Variants in FTO observed in about 807,000 individuals in gnomAD.
FTO encodes the protein alpha-ketoglutarate-dependent dioxygenase FTO.
In FTO, 47 loss-of-function variants were observed where a neutral mutation model predicts 63.9. That is an observed-to-expected ratio of 0.74 (90% CI 0.58 to 0.94). The LOEUF (loss-of-function observed/expected upper bound fraction) is 0.94, where lower values mean the gene tolerates loss of function less well. Among genes scored for constraint, FTO ranks in the 40% least tolerant of loss-of-function variants. FTO has a pLI of 0.00. For synonymous variants in FTO, 207 were observed against 224.4 expected, an observed-to-expected ratio of 0.92 and a Z score of 0.69; for missense variants, 562 against 618.1, an observed-to-expected ratio of 0.91 and a Z score of 0.96.
intron 8 of FTO, among the ~76,000 whole-genome samples, chr16:54,022,024 G>A (rs1247253555): frequency 2.0e-5 from 3 of 152,054 alleles, no homozygotes; most frequent in African/African-American, 7.2e-5. Context: ...TTTTACAGCA[G>A]ATGTTTTCAA....
intron 8 of FTO, among the ~76,000 whole-genome samples, chr16:54,092,721 T>G (rs1023981820): frequency 6.6e-6 from 1 of 152,206 alleles, no homozygotes; most frequent in South Asian, 2.1e-4. Flanking sequence ...GACGCTTACA[T>G]GAGACCCACT....
intron 8 of FTO, among the ~76,000 whole-genome samples, chr16:54,048,530 T>G (rs1448074783): frequency 6.6e-6 from 1 of 152,222 alleles, no homozygotes; most frequent in African/African-American, 2.4e-5. Flanking sequence ...CTGTTCTTAT[T>G]AGGATCAGAA....
chr16:54,075,411 C>T (rs961840355), intron 8 of FTO, among the ~76,000 whole-genome samples: 4 of 152,166 alleles, frequency 2.6e-5, no homozygotes, highest in African/African-American at 4.8e-5. Context: ...CATTTTATTA[C>T]AGTTGTCAAG....
intron 2 of FTO, among the ~76,000 whole-genome samples, chr16:53,823,452 C>G (rs1460250521): frequency 6.6e-6 from 1 of 151,854 alleles, no homozygotes; most frequent in African/African-American, 2.4e-5. Context: ...GTTCCTCTGC[C>G]CTGCTTTCTC....
intron 1 of FTO, among the ~76,000 whole-genome samples, chr16:53,757,059 A>G (rs2076940650): frequency 6.6e-6 from 1 of 151,514 alleles, no homozygotes; most frequent in Non-Finnish European, 1.5e-5. Flanking sequence ...GTTTTCAACC[A>G]GTTTAAAAAA....
intron 3 of FTO, among the ~76,000 whole-genome samples, chr16:53,839,769 CTTTTTTTT>C (rs146746378): frequency 0.24 from 34,551 of 144,186 alleles, 4,416 homozygotes; most frequent in Middle Eastern, 0.32. Flanking sequence ...AATTGGTTTT[CTTTTTTTT>C]TATTTATTTA....
At chr16:53,818,275 G>T (rs2078756683) in intron 2 of FTO, among the ~76,000 whole-genome samples, 1 of 151,666 alleles carries the variant, frequency 6.6e-6, no homozygotes, top group African/African-American at 2.4e-5. Flanking sequence ...GGGCATTTAG[G>T]TTGAGATTTT....
intron 7 of FTO, among the ~76,000 whole-genome samples, chr16:53,917,266 A>G (rs1201172172): frequency 6.6e-6 from 1 of 152,230 alleles, no homozygotes; most frequent in Non-Finnish European, 1.5e-5. Flanking sequence ...CCTGCCTCAC[A>G]GAAAGTTCCT....
At chr16:53,864,986 T>C (rs2080267856) in intron 4 of FTO, among the ~76,000 whole-genome samples, 1 of 152,182 alleles carries the variant, frequency 6.6e-6, no homozygotes, top group Non-Finnish European at 1.5e-5. Flanking sequence ...CCTTCTAGTG[T>C]TGTGTTTGCC....
intron 6 of FTO, among the ~76,000 whole-genome samples, chr16:53,885,085 A>G (rs993108311): frequency 1.3e-5 from 2 of 152,200 alleles, no homozygotes; most frequent in African/African-American, 2.4e-5. Flanking sequence ...ATATGGTTAG[A>G]CATTGATGTT....
intron 7 of FTO, among the ~76,000 whole-genome samples, chr16:53,903,825 A>G (rs2081466068): frequency 6.6e-6 from 1 of 152,094 alleles, no homozygotes; most frequent in Non-Finnish European, 1.5e-5. Flanking sequence ...TGTTGGATCA[A>G]AGGATGTGTG....
At chr16:54,083,676 C>T (rs1295838089) in intron 8 of FTO, among the ~76,000 whole-genome samples, 1 of 152,162 alleles carries the variant, frequency 6.6e-6, no homozygotes, top group Non-Finnish European at 1.5e-5. Context: ...ACCGCCCTCC[C>T]TACCGCCATT....
At chr16:53,874,598 G>T (rs1256787924) in intron 5 of FTO, among the ~76,000 whole-genome samples, 1 of 152,184 alleles carries the variant, frequency 6.6e-6, no homozygotes, top group Non-Finnish European at 1.5e-5. Flanking sequence ...GGAACTACAG[G>T]GGACAAGTGT....
chr16:53,770,884 G>A (rs1477627110), intron 1 of FTO, among the ~76,000 whole-genome samples: 1 of 152,026 alleles, frequency 6.6e-6, no homozygotes, highest in Non-Finnish European at 1.5e-5. Flanking sequence ...CCTAACTCAA[G>A]GCACTTCTGA....
intron 2 of FTO, among the ~76,000 whole-genome samples, chr16:53,815,424 A>G (rs996995038): frequency 4.0e-5 from 6 of 151,780 alleles, no homozygotes; most frequent in Non-Finnish European, 7.4e-5. Flanking sequence ...TTTCCATCCC[A>G]CAGACACTGC....
chr16:53,952,871 T>C (rs540674650), intron 8 of FTO, among the ~76,000 whole-genome samples: 39 of 152,368 alleles, frequency 2.6e-4, no homozygotes, highest in African/African-American at 8.7e-4. Flanking sequence ...GTGAGAATTC[T>C]CATACTGTCT....
At chr16:53,735,443 T>C (rs918623049) in intron 1 of FTO, among the ~76,000 whole-genome samples, 1 of 152,214 alleles carries the variant, frequency 6.6e-6, no homozygotes, top group Admixed American at 6.5e-5. Flanking sequence ...TCAGCTAACA[T>C]GGACTCGGAG....
At chr16:53,838,313 GGGAATCTTCTTTTTTGAGAT>G (rs1240209213) in intron 3 of FTO, among the ~76,000 whole-genome samples, 2 of 152,118 alleles carry the variant, frequency 1.3e-5, no homozygotes, top group Non-Finnish European at 2.9e-5. Context: ...TCACAAGGGT[GGGAATCTTCTTTTTTGAGAT>G]GGAGTCTTGC....
intron 4 of FTO, among the ~76,000 whole-genome samples, chr16:53,859,695 C>T (rs1379523067): frequency 6.6e-6 from 1 of 152,052 alleles, no homozygotes; most frequent in Non-Finnish European, 1.5e-5. Flanking sequence ...ATGTGCTCAA[C>T]ATCTAGTCAT....
Sources: gnomAD v4.1 joint callset for allele counts (sites outside exome capture counted in the v4.1 genomes callset) on GRCh38, gnomAD v4.1.1 for gene constraint, MANE v1.5 for transcripts, NCBI Gene and HGNC (gene_info 2026-07-23, HGNC 2026-07-21) for gene names.